The following PPFIBP2 variants were observed in gnomAD, a reference collection of about 807,000 sequenced individuals.
PPFIBP2 encodes liprin-beta-2.
PPFIBP2 carries 118 observed loss-of-function variants against 118.3 expected under a neutral mutation model. That is an observed-to-expected ratio of 1.00 (90% CI 0.86 to 1.16). PPFIBP2 has a LOEUF of 1.16. Ranked by LOEUF, PPFIBP2 falls within the 50% of genes most tolerant of loss-of-function variation. The probability of loss-of-function intolerance (pLI) is 0.00; values close to 1 mark genes in which losing one functional copy is unlikely to be tolerated. For synonymous variants in PPFIBP2, 414 were observed against 397.4 expected (o/e 1.04, Z -0.50); for missense variants, 1,195 against 1,073.1 (o/e 1.11, Z -1.59).
chr11:7,664,411 CTG>C, the PPFIBP2 span, among the ~76,000 whole-genome samples: 1 of 149,576 alleles, frequency 6.7e-6, no homozygotes, highest in African/African-American at 2.4e-5. Context: ...GCGTAATACT[CTG>C]TGATGGAAAT....
rs1403627893 is a variant in PPFIBP2, at chr11:7,610,366, C to T, written c.562C>T (p.Leu188=). 6.2e-7 allele frequency: 1 copy of T among 1,614,188 alleles called. No individual in the cohort carries two copies. The highest frequency in any genetic ancestry group is 1.1e-5 in the South Asian group (1 of 91,084). Residue 188 remains leucine, a synonymous_variant, in exon 6 of 24, where the codon CTG becomes TTG. Coordinates refer to ENST00000299492, the MANE Select transcript of PPFIBP2 (RefSeq NM_003621.5). ...MTEVSELKLK[L]VGMEKEQREQ... is the part of the protein sequence containing the mutation. ...TGAAGTGTCTGAGCTGAAGCTCAAGCTGGTTGGCATGGAGAAGGAGCAGAG... is the reference window on the plus strand; with the variant it reads ...TGAAGTGTCTGAGCTGAAGCTCAAGTTGGTTGGCATGGAGAAGGAGCAGAG...
At chr11:7,658,913 T>C (rs1416028548), downstream of PPFIBP2, among the ~76,000 whole-genome samples, 1,715 of 80,872 alleles carry the variant, frequency 0.021, no homozygotes, top group African/African-American at 0.034. Flanking sequence ...ATGAGCATTT[T>C]TTCATGTGTT....
At chr11:7,577,339 GTGTGTGTGTGTGTT>G in intron 3 of PPFIBP2, 1 of 338,710 alleles carries the variant, frequency 3.0e-6, no homozygotes, top group South Asian at 2.3e-5. Context: ...GTGTGTGTGT[GTGTGTGTGTGTGTT>G]TGTTGGGGTG....
intron 5 of PPFIBP2, 181 bp downstream of exon 5, chr11:7,597,854 C>G (rs894491777): frequency 4.5e-5 from 26 of 578,162 alleles, no homozygotes; most frequent in Non-Finnish European, 5.3e-5. Context: ...TTGAGAGTGG[C>G]AGAGGGGGTA....
chr11:7,606,829 TA>T (rs757719464), intron 5 of PPFIBP2, among the ~76,000 whole-genome samples: 2 of 145,612 alleles, frequency 1.4e-5, no homozygotes, highest in African/African-American at 2.5e-5. Flanking sequence ...TATGAAACTT[TA>T]AAAAATCACA....
the PPFIBP2 span, chr11:7,666,094 G>A: frequency 5.8e-5 from 37 of 636,964 alleles, no homozygotes; most frequent in African/African-American, 9.0e-5. Flanking sequence ...TGTGGTGGCC[G>A]TAAGCAGAAG....
At position 7,633,361 on chromosome 11, in the gene PPFIBP2, C is replaced by T. The variant is rs573599553; in HGVS notation, c.1136+427C>T. On this transcript the variant is annotated intron_variant, in intron 12 of 23. Coordinates refer to ENST00000299492, the MANE Select transcript of PPFIBP2 (RefSeq NM_003621.5). ...CTTCTCATAGCAATTGGTCTAATTG[C>T]TTTAAGGATGCTTCACAACAATGAA... 5.3e-5 allele frequency among the ~76,000 whole-genome samples: 8 copies of T among 152,318 alleles called. No individual in the cohort carries two copies. In the South Asian group the frequency reaches 1.7e-3, roughly 32 times the overall value.
At position 7,610,433 on chromosome 11, in the gene PPFIBP2, G is replaced by A. The variant is rs779043353; in HGVS notation, c.618+11G>A. 2 of 1,612,594 alleles carry A rather than the reference G, an allele frequency of 1.2e-6. No homozygotes were observed. Among genetic ancestry groups the A allele is most frequent in the East Asian group, 2.2e-5 (1 of 44,886 alleles). ...CAGAGAAAAGCAGAGGTAAGGGTGAGTGTGTACTGTCCTAAGCTCAGACCT... is the reference window on the plus strand; with the variant it reads ...CAGAGAAAAGCAGAGGTAAGGGTGAATGTGTACTGTCCTAAGCTCAGACCT... On this transcript the variant is annotated intron_variant, in intron 6 of 23. Coordinates refer to ENST00000299492, the MANE Select transcript of PPFIBP2 (RefSeq NM_003621.5).
At chr11:7,654,921 C>G (rs1369726540), downstream of PPFIBP2, among the ~76,000 whole-genome samples, 7 of 152,112 alleles carry the variant, frequency 4.6e-5, no homozygotes, top group Admixed American at 4.6e-4. Flanking sequence ...TCTACAGTGT[C>G]TAAGTAGGTT....
At chr11:7,531,226 AG>A (rs1211849876) in intron 1 of PPFIBP2, among the ~76,000 whole-genome samples, 2 of 152,280 alleles carry the variant, frequency 1.3e-5, no homozygotes, top group African/African-American at 4.8e-5. Flanking sequence ...AGGGGAGGGA[AG>A]TGATCCAAGT....
At chr11:7,640,908 A>G in intron 15 of PPFIBP2, 2 of 737,882 alleles carry the variant, frequency 2.7e-6, no homozygotes, top group Non-Finnish European at 4.0e-6. Flanking sequence ...TTTCTGTTTG[A>G]GTTTTTCTCT....
intron 4 of PPFIBP2, among the ~76,000 whole-genome samples, chr11:7,594,275 TG>T (rs370606620): frequency 2.3e-5 from 3 of 127,674 alleles, no homozygotes. Flanking sequence ...CCAGTGTTGT[TG>T]GTTTTTTTTC....
intron 1 of PPFIBP2, among the ~76,000 whole-genome samples, chr11:7,547,910 G>A (rs1186483679): frequency 1.3e-5 from 2 of 151,978 alleles, no homozygotes; most frequent in African/African-American, 4.8e-5. Flanking sequence ...GCCTCCAAAC[G>A]AACCAGCCTC....
chr11:7,581,430 G>T (rs758323294), intron 3 of PPFIBP2, among the ~76,000 whole-genome samples: 3 of 152,174 alleles, frequency 2.0e-5, no homozygotes, highest in Non-Finnish European at 4.4e-5. Context: ...CAAAGAAAAT[G>T]GAATCACTAC....
intron 21 of PPFIBP2, 53 bp downstream of exon 21, chr11:7,649,707 A>G: frequency 6.2e-7 from 1 of 1,606,898 alleles, no homozygotes; most frequent in Non-Finnish European, 8.5e-7. Context: ...GACCCCTGAA[A>G]CATCGAGCAT....
At chr11:7,603,258 A>G (rs982920095) in intron 5 of PPFIBP2, among the ~76,000 whole-genome samples, 6 of 152,242 alleles carry the variant, frequency 3.9e-5, no homozygotes, top group South Asian at 2.1e-4. Context: ...CTTCATGCTT[A>G]TCCCATGTGA....
At position 7,629,522 on chromosome 11, in the gene PPFIBP2, A is replaced by G. The variant is rs773790393; in HGVS notation, c.952A>G (p.Met318Val). The G allele has an allele frequency of 5.0e-6, 8 of 1,614,128 alleles. No homozygotes were observed. The highest frequency in any genetic ancestry group is 6.8e-6 in the Non-Finnish European group (8 of 1,179,970). ...GTACCGGAAGGTAAAGGAGATTGTGATGGTCACTCAAGGTAAGAGCAAGGG... is the reference window on the plus strand; with the variant it reads ...GTACCGGAAGGTAAAGGAGATTGTGGTGGTCACTCAAGGTAAGAGCAAGGG... ...NQYRKVKEIV[M>V]VTQGPSERTL... is the part of the protein sequence containing the mutation. Residue 318 changes from methionine (M) to valine (V), a missense_variant, in exon 10 of 24, where the codon ATG becomes GTG. Coordinates refer to ENST00000299492, the MANE Select transcript of PPFIBP2 (RefSeq NM_003621.5).
At chr11:7,665,819 A>G in the PPFIBP2 span, 1 of 1,527,006 alleles carries the variant, frequency 6.5e-7, no homozygotes, top group Admixed American at 2.0e-5. Context: ...GAACACAACG[A>G]GGTATACCGA....
intron 15 of PPFIBP2, chr11:7,641,069 C>T: frequency 1.6e-6 from 2 of 1,273,574 alleles, no homozygotes; most frequent in Non-Finnish European, 2.1e-6. Context: ...GTATTAGGTA[C>T]TGTACCCATT....
Sources: gnomAD v4.1 joint callset for allele counts (sites outside exome capture counted in the v4.1 genomes callset) on GRCh38, gnomAD v4.1.1 for gene constraint, MANE v1.5 for transcripts, NCBI Gene and HGNC (gene_info 2026-07-23, HGNC 2026-07-21) for gene names.